CADPS2: variants seen among roughly 807,000 people sequenced by gnomAD.
CADPS2 encodes calcium dependent secretion activator 2.
A neutral mutation model predicts 172.5 loss-of-function variants in CADPS2; 93 were observed. The ratio of observed to expected loss-of-function variants is 0.54; its 90% confidence interval spans 0.46 to 0.64. CADPS2 has a LOEUF of 0.64. CADPS2 is among the 30% of genes least tolerant of loss of function. The pLI is 0.00. For missense variants in CADPS2, 1,420 were observed against 1,565.9 expected (o/e 0.91, Z 1.57); for synonymous variants, 546 against 555.2 (o/e 0.98, Z 0.23).
chr7:122,788,663 T>C (rs992824799), intron 1 of CADPS2, among the ~76,000 whole-genome samples: 2 of 152,228 alleles, frequency 1.3e-5, no homozygotes, highest in African/African-American at 2.4e-5. Context: ...CCTGCCTTCG[T>C]TGGACTATAG....
At chr7:122,671,028 C>T (rs1203025596) in intron 2 of CADPS2, among the ~76,000 whole-genome samples, 1 of 152,166 alleles carries the variant, frequency 6.6e-6, no homozygotes, top group African/African-American at 2.4e-5. Flanking sequence ...CAGATCTCCA[C>T]CCAGCTGATC....
At chr7:122,391,153 T>A (rs1316580849) in intron 22 of CADPS2, among the ~76,000 whole-genome samples, 1 of 152,056 alleles carries the variant, frequency 6.6e-6, no homozygotes, top group Non-Finnish European at 1.5e-5. Context: ...AATAACATCA[T>A]AACATTATGA....
At chr7:122,671,948 C>G (rs544033295) in intron 2 of CADPS2, among the ~76,000 whole-genome samples, 1 of 151,786 alleles carries the variant, frequency 6.6e-6, no homozygotes, top group Non-Finnish European at 1.5e-5. Flanking sequence ...TGCTCATATA[C>G]GAAAGGAGTA....
intron 8 of CADPS2, among the ~76,000 whole-genome samples, chr7:122,539,744 T>C (rs202096344): frequency 6.2e-5 from 4 of 64,440 alleles, no homozygotes; most frequent in African/African-American, 3.4e-4. Flanking sequence ...TCTGTCCCTC[T>C]CTCTCTGTCT....
At chr7:122,572,535 A>G (rs1240475466) in intron 7 of CADPS2, among the ~76,000 whole-genome samples, 1 of 152,082 alleles carries the variant, frequency 6.6e-6, no homozygotes. Context: ...ATTTTGGCAA[A>G]CCCTCCAAAA....
rs71161313 is a variant in CADPS2, at chr7:122,637,171, CTTTTTTTTTTTTTTTTTTTTTT to C, written c.787-7865_787-7844del. ...CTTCTGACTGCATTATGAAATTTTG[CTTTTTTTTTTTTTTTTTTTTTT>C]TTTTTTTTTTTTTTTCCTGAGACAG... is the stretch of plus-strand genomic sequence containing the variant. On this transcript the variant is annotated intron_variant, in intron 3 of 29. Transcript: ENST00000449022. Among the ~76,000 whole-genome samples, 131 of 53,906 alleles carry C rather than the reference CTTTTTTTTTTTTTTTTTTTTTT, an allele frequency of 2.4e-3. 3 individuals carry two copies. The highest frequency in any genetic ancestry group is 9.2e-3 in the African/African-American group (126 of 13,652). The allele number at this position is 53,906 out of a possible 152,430, so 35.4% of individuals were successfully genotyped here.
chr7:122,471,283 T>A, intron 14 of CADPS2, 92 bp downstream of exon 14: 19 of 442,022 alleles, frequency 4.3e-5, no homozygotes, highest in Non-Finnish European at 7.0e-5. Context: ...CTATTTACAA[T>A]CTGTTACTGG....
chr7:122,607,488 CT>C (rs752498665), intron 6 of CADPS2, among the ~76,000 whole-genome samples: 12 of 152,146 alleles, frequency 7.9e-5, no homozygotes, highest in Non-Finnish European at 1.5e-4. Context: ...TCCGAAAAAA[CT>C]GTCACAGTAT....
intron 5 of CADPS2, among the ~76,000 whole-genome samples, chr7:122,615,513 T>C (rs989980758): frequency 3.9e-5 from 6 of 152,256 alleles, no homozygotes; most frequent in Non-Finnish European, 7.4e-5. Context: ...TAACTGAAAA[T>C]ATATCTGCTG....
Position 122,645,309 on chromosome 7 carries a change from A to ATATACACACATATGTACATG in CADPS2, c.787-15982_787-15981insCATGTACATATGTGTGTATA, listed in dbSNP as rs1563946852. Among the ~76,000 whole-genome samples the ATATACACACATATGTACATG allele has an allele frequency of 1.2e-4, 15 of 123,958 alleles. 4 individuals are homozygous for ATATACACACATATGTACATG. The highest frequency in any genetic ancestry group is 1.2e-3 in the East Asian group (5 of 4,168). The allele number at this position is 123,958 out of a possible 152,430, so 81.3% of individuals were successfully genotyped here. Reference sequence around the variant, plus strand: ...TATGTACATATATACACATATGTACATGTGTGTATACATGTACATATATAC... The same window carrying ATATACACACATATGTACATG: ...TATGTACATATATACACATATGTACATATACACACATATGTACATGTGTGTGTATACATGTACATATATAC... On this transcript the variant is annotated intron_variant, in intron 3 of 29. Transcript: ENST00000449022.
chr7:122,418,541 G>A (rs559935284), intron 17 of CADPS2, among the ~76,000 whole-genome samples: 19 of 152,296 alleles, frequency 1.2e-4, no homozygotes, highest in African/African-American at 4.6e-4. Flanking sequence ...TATTTTGGTG[G>A]TTGCCTCCAA....
Position 122,578,153 on chromosome 7 carries a change from G to GTA in CADPS2, c.1335+3024_1335+3025dup, listed in dbSNP as rs761770081. On this transcript the variant is annotated intron_variant, in intron 7 of 29. Coordinates refer to ENST00000449022, the MANE Select transcript of CADPS2 (RefSeq NM_017954.11). Reference sequence around the variant, plus strand: ...ATACTTTTGTATATACTTAATATGTGTATATATACACACATACATTATGTA... The same window carrying GTA: ...ATACTTTTGTATATACTTAATATGTGTATATATATACACACATACATTATGTA... Among the ~76,000 whole-genome samples, 7 of 150,746 alleles carry GTA rather than the reference G, an allele frequency of 4.6e-5. No individual in the cohort carries two copies. The South Asian group carries it at 1.5e-3, about 32-fold the overall frequency.
At chr7:122,407,910 A>G in intron 19 of CADPS2, 1 of 513,614 alleles carries the variant, frequency 1.9e-6, no homozygotes, top group Admixed American at 3.5e-5. Context: ...AAATAGAATT[A>G]AAATGTACAA....
chr7:122,587,668 T>C (rs2069968224), intron 6 of CADPS2, among the ~76,000 whole-genome samples: 1 of 152,288 alleles, frequency 6.6e-6, no homozygotes, highest in Non-Finnish European at 1.5e-5. Context: ...GTCTTTGCTA[T>C]TGTGAATAGT....
chr7:122,441,587 A>G lies in CADPS2; in HGVS notation c.2289-12T>C. 7 of 1,515,782 alleles carry G rather than the reference A, an allele frequency of 4.6e-6. No individual in the cohort carries two copies. Among genetic ancestry groups the G allele is most frequent in the Non-Finnish European group, 6.2e-6 (7 of 1,129,848 alleles). The allele number at this position is 1,515,782 out of a possible 1,614,324, so 93.9% of individuals were successfully genotyped here. ...AGGGAAAACAGTATCTTTAAAAACA[A>G]AAGAAAGAACAAAAGAGTCAAACAT... On this transcript the variant is annotated splice_polypyrimidine_tract_variant and intron_variant, in intron 15 of 29. Coordinates refer to ENST00000449022, the MANE Select transcript of CADPS2 (RefSeq NM_017954.11).
intron 1 of CADPS2, among the ~76,000 whole-genome samples, chr7:122,738,716 A>T (rs1001751295): frequency 2.0e-5 from 3 of 152,096 alleles, no homozygotes; most frequent in East Asian, 3.9e-4. Flanking sequence ...CATTCAAATA[A>T]AAGGAAGACA....
rs112678668 is a variant in CADPS2, at chr7:122,801,349, A to C, written c.340-64281T>G. 3.0e-3 allele frequency among the ~76,000 whole-genome samples: 463 copies of C among 152,290 alleles called. 2 individuals carry two copies. Among genetic ancestry groups the C allele is most frequent in the African/African-American group, 0.01 (425 of 41,546 alleles). On this transcript the variant is annotated intron_variant, in intron 1 of 29. Transcript: ENST00000449022. ...AAGTGGTCCAATATGTATTAAAAAAACTCCTAAAGAAATCTGTTACATTAA... is the reference window on the plus strand; with the variant it reads ...AAGTGGTCCAATATGTATTAAAAAACCTCCTAAAGAAATCTGTTACATTAA...
chr7:122,365,392 TTTG>T (rs2040720556), intron 25 of CADPS2, among the ~76,000 whole-genome samples: 1 of 152,170 alleles, frequency 6.6e-6, no homozygotes, highest in South Asian at 2.1e-4. Flanking sequence ...TTGTAAGATT[TTTG>T]TTGAGGCACA....
chr7:122,448,386 G>A (rs944349628), intron 15 of CADPS2, among the ~76,000 whole-genome samples: 2 of 152,042 alleles, frequency 1.3e-5, no homozygotes, highest in African/African-American at 2.4e-5. Flanking sequence ...CTTGACAAAC[G>A]GGGATTATTA....
Sources: allele counts gnomAD v4.1 joint callset (sites outside exome capture counted in the v4.1 genomes callset), GRCh38; gene constraint gnomAD v4.1.1; transcripts MANE v1.5; gene names NCBI Gene and HGNC (gene_info 2026-07-23, HGNC 2026-07-21).